The following USP39 variants were observed in gnomAD, a reference collection of about 807,000 sequenced individuals.
USP39 encodes the protein ubiquitin carboxyl-terminal hydrolase 39.
A neutral mutation model predicts 66.4 loss-of-function variants in USP39; 38 were observed. The ratio of observed to expected loss-of-function variants is 0.57; its 90% CI spans 0.44 to 0.75. The LOEUF is 0.75. Among genes scored for constraint, USP39 ranks in the 30% least tolerant of loss-of-function variants. The pLI is 0.00. For missense variants in USP39, 608 were observed against 714.4 expected (o/e 0.85, Z 1.70); for synonymous variants, 303 against 274.6 (o/e 1.10, Z -1.02).
chr2:85,621,271 G>T, intron 2 of USP39: 1 of 477,958 alleles, frequency 2.1e-6, no homozygotes, highest in Non-Finnish European at 3.8e-6. Context: ...AGGCTCGTGG[G>T]TATTATGTGT....
chr2:85,615,037 T>A (rs534989776), upstream of USP39, among the ~76,000 whole-genome samples: 1 of 131,092 alleles, frequency 7.6e-6, no homozygotes, highest in Non-Finnish European at 1.5e-5. Flanking sequence ...GTGGTGTGGG[T>A]ATGACAGAGT....
intron 1 of USP39, among the ~76,000 whole-genome samples, chr2:85,605,281 T>C (rs1056537895): frequency 6.6e-6 from 1 of 152,064 alleles, no homozygotes; most frequent in Non-Finnish European, 1.5e-5. Context: ...GTTTATTTGT[T>C]AAAAAAAATA....
At chr2:85,624,361 T>G (rs1361069577) in intron 4 of USP39, among the ~76,000 whole-genome samples, 2 of 152,076 alleles carry the variant, frequency 1.3e-5, no homozygotes, top group East Asian at 3.9e-4. Flanking sequence ...TGGTTTTTTT[T>G]TTGAGACAGG....
intron 10 of USP39, among the ~76,000 whole-genome samples, chr2:85,642,321 A>G (rs1414465470): frequency 6.6e-6 from 1 of 152,222 alleles, no homozygotes; most frequent in Non-Finnish European, 1.5e-5. Flanking sequence ...CTCCTTGAGT[A>G]GGATGACAGA....
rs1165861624 is a variant in USP39, at chr2:85,619,308, C to G, written c.338+19C>G. 6 of 1,610,282 alleles carry G rather than the reference C, an allele frequency of 3.7e-6. No homozygotes were observed. The highest frequency in any genetic ancestry group is 4.2e-6 in the Non-Finnish European group (5 of 1,178,278). On this transcript the variant is annotated intron_variant, in intron 2 of 12. Coordinates refer to ENST00000323701, the MANE Select transcript of USP39 (RefSeq NM_006590.4). The stretch of plus-strand genomic sequence containing the variant: ...TTAACAGGTCAGTAGGACAGAGATG[C>G]TGAGTATAGCACAAGAACAATGGAA...
At chr2:85,616,678 CTTTTTT>C (rs4019533) in intron 1 of USP39, among the ~76,000 whole-genome samples, 1 of 106,932 alleles carries the variant, frequency 9.4e-6, no homozygotes, top group South Asian at 3.2e-4. Context: ...TTTCTTTTTT[CTTTTTT>C]TTTTTTTTTT....
At chr2:85,641,343 C>G (rs923251814) in intron 10 of USP39, among the ~76,000 whole-genome samples, 2 of 152,164 alleles carry the variant, frequency 1.3e-5, no homozygotes, top group Non-Finnish European at 2.9e-5. Context: ...TCTCCTGTTG[C>G]TAGCTGGAAA....
intron 6 of USP39, among the ~76,000 whole-genome samples, chr2:85,631,308 C>T (rs1473268681): frequency 6.7e-6 from 1 of 148,604 alleles, no homozygotes; most frequent in Non-Finnish European, 1.5e-5. Flanking sequence ...GCCACTGCGC[C>T]CGGCCTTTTT....
intron 1 of USP39, among the ~76,000 whole-genome samples, chr2:85,617,492 T>C (rs1674081607): frequency 1.3e-5 from 2 of 152,252 alleles, no homozygotes; most frequent in South Asian, 2.1e-4. Flanking sequence ...CCTTGGAAGA[T>C]AGAAATGGTG....
In USP39 at chr2:85,616,464, G is replaced by A. The variant is rs1469648022; in HGVS notation, c.268+1G>A. The A allele has an allele frequency of 3.9e-6, 6 of 1,540,996 alleles. No homozygotes were observed. The highest frequency in any genetic ancestry group is 5.3e-6 in the Non-Finnish European group (6 of 1,138,708). ...TCGGAGCCTGAGCGGGAGGTGCGAG[G>A]TGCGCGGGGCCGGGCCGGGCTAGGC... On this transcript the variant is annotated splice_donor_variant, in intron 1 of 12. Coordinates refer to ENST00000323701, the MANE Select transcript of USP39 (RefSeq NM_006590.4). LOFTEE classifies it high-confidence loss of function.
chr2:85,632,500 T>C (rs1052325883), intron 6 of USP39, among the ~76,000 whole-genome samples: 4 of 145,902 alleles, frequency 2.7e-5, no homozygotes, highest in Non-Finnish European at 6.0e-5. Flanking sequence ...CAGGCTGGAG[T>C]GCAATGGTGT....
intron 3 of USP39, among the ~76,000 whole-genome samples, chr2:85,623,387 A>G (rs1243897075): frequency 6.7e-6 from 1 of 150,280 alleles, no homozygotes. Flanking sequence ...TTTTACATAT[A>G]TATTAAAAAA....
chr2:85,623,256 G>A (rs1674597758), intron 3 of USP39, among the ~76,000 whole-genome samples: 2 of 151,720 alleles, frequency 1.3e-5, no homozygotes, highest in Non-Finnish European at 2.9e-5. Context: ...ATGTATTTAT[G>A]TTTATGTGTA....
At chr2:85,619,181 G>A (rs1674251230) in intron 1 of USP39, 39 bp from the exon 2 acceptor site, 1 of 1,610,266 alleles carries the variant, frequency 6.2e-7, no homozygotes, top group Non-Finnish European at 8.5e-7. Flanking sequence ...CTGAGTATAG[G>A]TTTCCCATTT....
intron 1 of USP39, among the ~76,000 whole-genome samples, chr2:85,617,326 A>G (rs1674069246): frequency 6.6e-6 from 1 of 152,130 alleles, no homozygotes; most frequent in South Asian, 2.1e-4. Flanking sequence ...AGCAATAGGC[A>G]CCTCTACTAA....
Position 85,647,922 on chromosome 2 carries a change from T to A in USP39, c.1564-8T>A. The A allele has an allele frequency of 2.5e-6, 4 of 1,614,082 alleles. No individual in the cohort carries two copies. Among genetic ancestry groups the A allele is most frequent in the East Asian group, 4.5e-5 (2 of 44,884 alleles). ...GCAGACTAACCCAGCTCTTCATACT[T>A]TCTGCAGGGGACAGGCAAATGGTAT... On this transcript the variant is annotated splice_polypyrimidine_tract_variant and splice_region_variant and intron_variant, in intron 11 of 12. Transcript: ENST00000323701.
rs775916424 is a variant in USP39 at position 85,619,231 on chromosome 2, C to G, written c.280C>G (p.Arg94Gly). Residue 94 changes from arginine (R) to glycine (G), a missense_variant, in exon 2 of 13, where the codon CGA becomes GGA. Physicochemically the swap from Arg to Gly is moderately radical, Grantham distance 125. Coordinates refer to ENST00000323701, the MANE Select transcript of USP39 (RefSeq NM_006590.4). ...PEREVRAKNG[R>G]VDSEDRRSRH... is the part of the protein sequence containing the mutation. ...GATTTTCCTTTCAGCAAAGAATGGC[C>G]GAGTGGATTCTGAGGACCGGAGGAG... The G allele has an allele frequency of 5.0e-6, 8 of 1,613,724 alleles. No individual in the cohort carries two copies. The South Asian group carries it at 7.7e-5, about 16-fold the overall frequency.
chr2:85,641,590 A>G (rs1407176238), intron 10 of USP39, among the ~76,000 whole-genome samples: 1 of 152,120 alleles, frequency 6.6e-6, no homozygotes, highest in Admixed American at 6.6e-5. Context: ...TTCTCAAGAG[A>G]CAAGGTTTTT....
intron 10 of USP39, among the ~76,000 whole-genome samples, chr2:85,641,329 C>G (rs575558536): frequency 5.9e-5 from 9 of 152,308 alleles, no homozygotes; most frequent in African/African-American, 1.9e-4. Flanking sequence ...CCTATTTTAT[C>G]TTCTCTCCTG....
Sources: gnomAD v4.1 joint callset for allele counts (sites outside exome capture counted in the v4.1 genomes callset) on GRCh38, gnomAD v4.1.1 for gene constraint, MANE v1.5 for transcripts, NCBI Gene and HGNC (gene_info 2026-07-23, HGNC 2026-07-21) for gene names.